Variants in ANKFN1 observed in about 807,000 individuals in gnomAD.
The protein encoded by ANKFN1 is ankyrin repeat and fibronectin type-III domain-containing protein 1.
A neutral mutation model predicts 108.7 loss-of-function variants in ANKFN1; 74 were observed. The ratio of observed to expected loss-of-function variants is 0.68; its 90% CI spans 0.56 to 0.83. ANKFN1 has a LOEUF of 0.83. Ranked by LOEUF, ANKFN1 falls within the 40% of genes least tolerant of loss-of-function variation. The pLI is 0.00. For synonymous variants in ANKFN1, 547 were observed against 516.2 expected (o/e 1.06, Z -0.81); for missense variants, 1,505 against 1,382.3 (o/e 1.09, Z -1.41).
intron 15 of ANKFN1, 35 bp downstream of exon 15, chr17:56,466,606 T>G (rs1489142240): frequency 1.3e-6 from 2 of 1,540,984 alleles, no homozygotes; most frequent in Middle Eastern, 2.2e-4. Context: ...CGGGTATACT[T>G]AAGGTTCCAA....
At chr17:56,098,815 T>A (rs1383805645) in intron 4 of ANKFN1, among the ~76,000 whole-genome samples, 2 of 152,110 alleles carry the variant, frequency 1.3e-5, no homozygotes, top group Admixed American at 6.6e-5. Flanking sequence ...TTTATTCTAC[T>A]GCTGCCGAGA....
intron 14 of ANKFN1, 110 bp from the exon 15 acceptor site, chr17:56,466,246 G>A: frequency 1.0e-6 from 1 of 982,624 alleles, no homozygotes; most frequent in Non-Finnish European, 1.5e-6. Context: ...AAAAAAGAGA[G>A]CAAACAGCTT....
chr17:56,414,478 C>T (rs953975680), intron 8 of ANKFN1, among the ~76,000 whole-genome samples: 1 of 152,074 alleles, frequency 6.6e-6, no homozygotes, highest in African/African-American at 2.4e-5. Context: ...CTGATTAATA[C>T]TGGTGTAAAA....
intron 6 of ANKFN1, among the ~76,000 whole-genome samples, chr17:56,357,277 C>A (rs1039782918): frequency 2.6e-5 from 4 of 152,216 alleles, no homozygotes; most frequent in African/African-American, 9.6e-5. Flanking sequence ...CATACAACAT[C>A]TCTGGTTTTC....
chr17:56,330,573 G>A (rs904338098), intron 4 of ANKFN1, among the ~76,000 whole-genome samples: 4 of 152,238 alleles, frequency 2.6e-5, no homozygotes, highest in Admixed American at 6.5e-5. Flanking sequence ...CCTTTCTAGC[G>A]TATGAGCTCC....
intron 3 of ANKFN1, among the ~76,000 whole-genome samples, chr17:56,319,504 G>A (rs2144498411): frequency 6.6e-6 from 1 of 152,250 alleles, no homozygotes; most frequent in South Asian, 2.1e-4. Flanking sequence ...AATGGAGAGG[G>A]ATCCCAACAT....
rs1199614846 is a variant in ANKFN1 at position 56,090,229 on chromosome 17, AGT to A, written c.288+43905_288+43906del. On this transcript the variant is annotated intron_variant, in intron 4 of 12. Transcript: ENST00000635860. ...TGTATGAGCCAGAATGTGAGCACTGAGTAGCAGGTGCGGGTAAGTCGTTAAGT... is the reference window on the plus strand; with the variant it reads ...TGTATGAGCCAGAATGTGAGCACTGAAGCAGGTGCGGGTAAGTCGTTAAGT... 7.3e-5 allele frequency among the ~76,000 whole-genome samples: 11 copies of A among 151,342 alleles called. No homozygotes were observed. The East Asian group carries it at 1.4e-3, about 19-fold the overall frequency.
chr17:56,452,487 G>A (rs2049522689), intron 11 of ANKFN1, among the ~76,000 whole-genome samples: 1 of 152,144 alleles, frequency 6.6e-6, no homozygotes, highest in Non-Finnish European at 1.5e-5. Context: ...CTGATCAGCT[G>A]GGAGTTCTCC....
chr17:56,265,955 C>T (rs547082174), intron 3 of ANKFN1, among the ~76,000 whole-genome samples: 1 of 152,240 alleles, frequency 6.6e-6, no homozygotes, highest in African/African-American at 2.4e-5. Flanking sequence ...AGTAACCAGT[C>T]AAAGGGCATA....
chr17:56,187,890 C>T (rs1234761936), intron 1 of ANKFN1, among the ~76,000 whole-genome samples: 3 of 149,332 alleles, frequency 2.0e-5, no homozygotes, highest in African/African-American at 7.4e-5. Flanking sequence ...AATGAGAACA[C>T]TTGGACACAG....
intron 1 of ANKFN1, among the ~76,000 whole-genome samples, chr17:56,169,411 A>G (rs1431248275): frequency 6.6e-6 from 1 of 152,090 alleles, no homozygotes; most frequent in African/African-American, 2.4e-5. Context: ...AGCTGGAACT[A>G]CAGGAACACC....
chr17:56,423,478 C>T (rs1467003127), intron 8 of ANKFN1, among the ~76,000 whole-genome samples: 1 of 152,194 alleles, frequency 6.6e-6, no homozygotes, highest in East Asian at 1.9e-4. Context: ...GAACTGATCA[C>T]CTCATTCCCT....
At chr17:56,177,400 T>C (rs1304951437) in intron 1 of ANKFN1, among the ~76,000 whole-genome samples, 1 of 152,238 alleles carries the variant, frequency 6.6e-6, no homozygotes, top group African/African-American at 2.4e-5. Flanking sequence ...ATATGTGTGA[T>C]GTGAAAAATC....
rs368166937 is a variant in ANKFN1, at chr17:56,271,789, G to A, written c.53+43832G>A. Among the ~76,000 whole-genome samples, 55 of 152,254 alleles carry A rather than the reference G, an allele frequency of 3.6e-4. 1 individual carries two copies. The South Asian group carries it at 1.0e-2, about 28-fold the overall frequency. ...AGTGGCTCAGGGAGATTGCATCCGG[G>A]GCTGGGTAAGCCAAGGCCTACATCC... On this transcript the variant is annotated intron_variant, in intron 3 of 20. Transcript: ENST00000682825.
chr17:56,090,646 G>T (rs1905397838), intron 4 of ANKFN1, among the ~76,000 whole-genome samples: 2 of 150,948 alleles, frequency 1.3e-5, no homozygotes, highest in Non-Finnish European at 3.0e-5. Flanking sequence ...TCACTCTGTT[G>T]CCCAGTCTGG....
intron 6 of ANKFN1, among the ~76,000 whole-genome samples, chr17:56,363,007 G>A (rs1480324304): frequency 1.3e-5 from 2 of 152,116 alleles, no homozygotes; most frequent in Middle Eastern, 3.4e-3. Context: ...TCAGGAGACC[G>A]AGACCATCCT....
At chr17:56,242,760 T>C (rs1200113130) in intron 3 of ANKFN1, among the ~76,000 whole-genome samples, 2 of 152,154 alleles carry the variant, frequency 1.3e-5, no homozygotes, top group African/African-American at 4.8e-5. Flanking sequence ...AGTAAGAATT[T>C]ATTTAAAATT....
chr17:56,496,990 A>C (rs927891616), intron 19 of ANKFN1, among the ~76,000 whole-genome samples: 2 of 152,172 alleles, frequency 1.3e-5, no homozygotes, highest in Non-Finnish European at 2.9e-5. Flanking sequence ...TTCATTCATT[A>C]AACAGTCATT....
At chr17:56,178,061 G>A (rs1411016274) in intron 1 of ANKFN1, among the ~76,000 whole-genome samples, 2 of 152,126 alleles carry the variant, frequency 1.3e-5, no homozygotes, top group Admixed American at 6.6e-5. Flanking sequence ...TCTTTTGGGG[G>A]TAGCAGGATG....
Sources: gnomAD v4.1 joint callset for allele counts (sites outside exome capture counted in the v4.1 genomes callset) on GRCh38, gnomAD v4.1.1 for gene constraint, MANE v1.5 for transcripts, NCBI Gene and HGNC (gene_info 2026-07-23, HGNC 2026-07-21) for gene names.